The following CPS1 variants were observed in gnomAD, a reference collection of about 807,000 sequenced individuals.
CPS1 encodes the protein carbamoyl-phosphate synthase [ammonia], mitochondrial.
Under a neutral mutation model 174.6 loss-of-function variants are expected in CPS1, and 109 were observed. The ratio of observed to expected loss-of-function variants is 0.62; its 90% CI spans 0.53 to 0.73. The LOEUF (loss-of-function observed/expected upper bound fraction) is 0.73, where lower values mean the gene tolerates loss of function less well. Among genes scored for constraint, CPS1 ranks in the 30% least tolerant of loss-of-function variants. CPS1 has a pLI of 0.00. For missense variants in CPS1, 1,689 were observed against 1,821.9 expected (o/e 0.93, Z 1.33); for synonymous variants, 637 against 632.0 (o/e 1.01, Z -0.12).
chr2:210,552,400 C>G (rs1489650935), upstream of CPS1, among the ~76,000 whole-genome samples: 1 of 151,970 alleles, frequency 6.6e-6, no homozygotes. Context: ...ATTAAGCACA[C>G]AGCAATCCAT....
rs1381390515 is a variant in CPS1, at chr2:210,571,909, GTA to G, written c.127-1387_127-1386del. ...TGTGTGTGTGTGTGTGTGTGTGTGT[GTA>G]TGTGTAATGGGAGTGGAGGTGGGGT... On this transcript the variant is annotated intron_variant, in intron 1 of 37. Coordinates refer to ENST00000233072, the MANE Select transcript of CPS1 (RefSeq NM_001875.5). Among the ~76,000 whole-genome samples the G allele has an allele frequency of 1.1e-3, 142 of 134,214 alleles. 1 individual carries two copies. In the East Asian group the frequency reaches 0.013, roughly 12 times the overall value. The allele number at this position is 134,214 out of a possible 152,430, so 88.0% of individuals were successfully genotyped here.
chr2:210,675,269 A>T (rs1479143181), intron 35 of CPS1, among the ~76,000 whole-genome samples: 1 of 152,194 alleles, frequency 6.6e-6, no homozygotes, highest in Non-Finnish European at 1.5e-5. Context: ...ATATGAGGTT[A>T]TAGATTCTAG....
At chr2:210,675,389 A>AT (rs1420458578) in intron 35 of CPS1, among the ~76,000 whole-genome samples, 1 of 152,146 alleles carries the variant, frequency 6.6e-6, no homozygotes, top group Non-Finnish European at 1.5e-5. Context: ...GGCCATGGGG[A>AT]TTTTTTGACC....
chr2:210,616,929 G>A (rs73984651), intron 21 of CPS1, among the ~76,000 whole-genome samples: 4,190 of 151,948 alleles, frequency 0.028, 211 homozygotes, highest in African/African-American at 0.095. Flanking sequence ...ACATTCTGAA[G>A]TCTGTTTTCC....
At chr2:210,626,442 A>T (rs953340284) in intron 21 of CPS1, among the ~76,000 whole-genome samples, 1 of 152,180 alleles carries the variant, frequency 6.6e-6, no homozygotes, top group African/African-American at 2.4e-5. Flanking sequence ...TAGAAAATAC[A>T]TAGCCCAAGA....
intron 5 of CPS1, among the ~76,000 whole-genome samples, chr2:210,582,318 C>T (rs1361485203): frequency 4.6e-5 from 7 of 152,092 alleles, no homozygotes; most frequent in South Asian, 2.1e-4. Context: ...CTAAATATCC[C>T]GATTTGCATC....
chr2:210,489,660 A>G (rs1694819121), intron 1 of CPS1, among the ~76,000 whole-genome samples: 1 of 152,126 alleles, frequency 6.6e-6, no homozygotes, highest in African/African-American at 2.4e-5. Context: ...AAAAAATCAT[A>G]AAGTGGGGAG....
At chr2:210,626,305 T>G (rs1014721974) in intron 21 of CPS1, among the ~76,000 whole-genome samples, 1 of 152,076 alleles carries the variant, frequency 6.6e-6, no homozygotes, top group Non-Finnish European at 1.5e-5. Flanking sequence ...ATAAACTTTC[T>G]TGGTAGAAAG....
At chr2:210,526,410 T>C (rs533365142) in intron 1 of CPS1, among the ~76,000 whole-genome samples, 62 of 151,810 alleles carry the variant, frequency 4.1e-4, no homozygotes, top group African/African-American at 1.4e-3. Flanking sequence ...GTTTTATAAA[T>C]AGGCTGTCCT....
intron 1 of CPS1, among the ~76,000 whole-genome samples, chr2:210,572,376 A>G (rs905446614): frequency 6.6e-6 from 1 of 152,032 alleles, no homozygotes; most frequent in Non-Finnish European, 1.5e-5. Flanking sequence ...AGTTTGTCCT[A>G]TAGAGTTTCT....
rs1698698046 is a variant in CPS1 at position 210,600,826 on chromosome 2, C to A, written c.1707+114C>A. 9 of 1,191,132 alleles carry A rather than the reference C, an allele frequency of 7.6e-6. No individual in the cohort carries two copies. In the South Asian group the frequency reaches 1.0e-4, roughly 14 times the overall value. 73.8% of individuals were successfully genotyped at this position (1,191,132 alleles called of 1,614,324 possible). A position where few individuals can be genotyped will look rare whatever the true frequency, so the allele number is the denominator to read the frequency against. ...AGATTATTATACTTGCATGCATTTT[C>A]TTCTAGAATTGTGTTAATAGTTTAG... is the stretch of plus-strand genomic sequence containing the variant. On this transcript the variant is annotated intron_variant, in intron 15 of 37. Coordinates refer to ENST00000233072, the MANE Select transcript of CPS1 (RefSeq NM_001875.5).
At position 210,506,883 on chromosome 2, in the gene CPS1, G is replaced by T. The variant is rs566024373; in HGVS notation, c.3+29117G>T. 3.3e-5 allele frequency among the ~76,000 whole-genome samples: 5 copies of T among 152,352 alleles called. No homozygotes were observed. In the East Asian group the frequency reaches 9.6e-4, roughly 29 times the overall value. On this transcript the variant is annotated intron_variant, in intron 1 of 38. Coordinates refer to the CPS1 transcript ENST00000430249. ...CAAGAAATATGGGACTTTGTGAAAA[G>T]ACCAAATCTATGTCTGATTGGTGTA... is the stretch of plus-strand genomic sequence containing the variant.
At chr2:210,637,265 C>T (rs7601962) in intron 21 of CPS1, among the ~76,000 whole-genome samples, 14 of 151,982 alleles carry the variant, frequency 9.2e-5, no homozygotes, top group African/African-American at 1.2e-4. Flanking sequence ...TAAAGTAGAG[C>T]GAGAAGCCAC....
At chr2:210,487,629 C>T (rs762540178) in intron 1 of CPS1, among the ~76,000 whole-genome samples, 21 of 152,056 alleles carry the variant, frequency 1.4e-4, no homozygotes, top group South Asian at 4.1e-4. Flanking sequence ...GGTATTCTTC[C>T]GATGACTTGA....
At chr2:210,582,773 C>A (rs1697968303) in intron 6 of CPS1, 64 bp downstream of exon 6, 1 of 1,263,238 alleles carries the variant, frequency 7.9e-7, no homozygotes, top group South Asian at 1.2e-5. Context: ...CTTGAAATAT[C>A]AAAATCTTTA....
At chr2:210,662,168 G>A (rs1171304826) in intron 32 of CPS1, among the ~76,000 whole-genome samples, 4 of 151,864 alleles carry the variant, frequency 2.6e-5, no homozygotes, top group African/African-American at 7.3e-5. Flanking sequence ...CACCTGCCTC[G>A]GCCTCCCAAA....
rs115833796 is a variant in CPS1, at chr2:210,556,626, C to T, written c.-108C>T. Reference sequence around the variant, plus strand: ...AGATCGCTGTGCAGTCAGCCTTAAACACTGACTGCACCCCTCCCAGATTTC... The same window carrying T: ...AGATCGCTGTGCAGTCAGCCTTAAATACTGACTGCACCCCTCCCAGATTTC... On this transcript the variant is annotated 5_prime_UTR_variant, in exon 1 of 38. Coordinates refer to ENST00000233072, the MANE Select transcript of CPS1 (RefSeq NM_001875.5). 1.9e-4 allele frequency: 287 copies of T among 1,549,618 alleles called. 1 individual carries two copies. In the African/African-American group the frequency reaches 3.5e-3, roughly 19 times the overall value.
At chr2:210,531,144 T>C (rs1205644025) in intron 1 of CPS1, among the ~76,000 whole-genome samples, 1 of 151,684 alleles carries the variant, frequency 6.6e-6, no homozygotes, top group Non-Finnish European at 1.5e-5. Context: ...ATAGAAAAAA[T>C]GATGACAGAA....
intron 21 of CPS1, among the ~76,000 whole-genome samples, chr2:210,627,482 C>G (rs1032937355): frequency 4.6e-5 from 7 of 152,126 alleles, no homozygotes; most frequent in Admixed American, 2.6e-4. Flanking sequence ...ATTACAGAAG[C>G]TAGATAATTA....
Sources: gnomAD v4.1 joint callset for allele counts (sites outside exome capture counted in the v4.1 genomes callset) on GRCh38, gnomAD v4.1.1 for gene constraint, MANE v1.5 for transcripts, NCBI Gene and HGNC (gene_info 2026-07-23, HGNC 2026-07-21) for gene names.